Variants in PREX1 observed in about 807,000 individuals in gnomAD.
PREX1 encodes phosphatidylinositol 3,4,5-trisphosphate-dependent Rac exchanger 1 protein.
Under a neutral mutation model 198.3 loss-of-function variants are expected in PREX1, and 41 were observed. The ratio of observed to expected loss-of-function variants is 0.21; its 90% CI spans 0.16 to 0.27. The LOEUF (loss-of-function observed/expected upper bound fraction) is 0.27. Ranked by LOEUF, PREX1 falls within the 10% of genes least tolerant of loss-of-function variation. The pLI, the probability that PREX1 is intolerant of heterozygous loss-of-function variation, is 1.00. For missense variants in PREX1, 1,620 were observed against 2,200.7 expected, an observed-to-expected ratio of 0.74 and a Z score of 5.28; for synonymous variants, 843 against 887.2, an observed-to-expected ratio of 0.95 and a Z score of 0.89.
chr20:48,739,805 T>G (rs1373392241), intron 3 of PREX1, among the ~76,000 whole-genome samples: 1 of 152,236 alleles, frequency 6.6e-6, no homozygotes, highest in African/African-American at 2.4e-5. Context: ...TGATGCTTCC[T>G]AGCTCTGTAA....
intron 1 of PREX1, among the ~76,000 whole-genome samples, chr20:48,759,549 CAAAAAAAA>C (rs386393896): frequency 6.2e-4 from 46 of 73,952 alleles, no homozygotes; most frequent in African/African-American, 1.9e-3. Flanking sequence ...GATTCCATCT[CAAAAAAAA>C]AAAAAAAAAA....
Position 48,756,595 on chromosome 20 carries a change from G to T in PREX1, c.220-8715C>A, listed in dbSNP as rs2090156742. Among the ~76,000 whole-genome samples, 5 of 151,750 alleles carry T rather than the reference G, an allele frequency of 3.3e-5. No homozygotes were observed. In the South Asian group the frequency reaches 1.0e-3, roughly 32 times the overall value. On this transcript the variant is annotated intron_variant, in intron 1 of 39. Coordinates refer to ENST00000371941, the MANE Select transcript of PREX1 (RefSeq NM_020820.4). Reference sequence around the variant, plus strand: ...CAGCACAAACATATTGCTTTGAATTGTATCTTTAACAGGCTAATTTCTTCC... The same window carrying T: ...CAGCACAAACATATTGCTTTGAATTTTATCTTTAACAGGCTAATTTCTTCC...
chr20:48,832,280 AG>A (rs1249505990), upstream of PREX1, among the ~76,000 whole-genome samples: 1 of 152,190 alleles, frequency 6.6e-6, no homozygotes, highest in Non-Finnish European at 1.5e-5. Flanking sequence ...GAGGGGGAGA[AG>A]ATTCTGCTGC....
intron 5 of PREX1, among the ~76,000 whole-genome samples, chr20:48,713,435 G>A (rs1213210743): frequency 1.3e-5 from 2 of 152,130 alleles, no homozygotes; most frequent in African/African-American, 4.8e-5. Flanking sequence ...CTGGGCAACA[G>A]AGTGAGACTC....
At position 48,636,695 on chromosome 20, in the gene PREX1, G is replaced by A. The variant is rs112809166; in HGVS notation, c.3947-12C>T. ...CTGCAGCTCCGTGTCTGGGGGCAGA[G>A]GGCAGGAGGCCTTGCTGGAGGGGCG... On this transcript the variant is annotated splice_polypyrimidine_tract_variant and intron_variant, in intron 31 of 39. Transcript: ENST00000371941. 3.8e-6 allele frequency: 6 copies of A among 1,586,802 alleles called. No individual in the cohort carries two copies. The highest frequency in any genetic ancestry group is 1.3e-5 in the African/African-American group (1 of 74,592).
chr20:48,714,881 T>C (rs764965679), intron 5 of PREX1, among the ~76,000 whole-genome samples: 1 of 152,202 alleles, frequency 6.6e-6, no homozygotes, highest in African/African-American at 2.4e-5. Flanking sequence ...TGCACAGATA[T>C]GGAAACTCGA....
rs1243652187 is a variant in PREX1 at position 48,641,295 on chromosome 20, G to A, written c.3775+873C>T. Among the ~76,000 whole-genome samples the A allele has an allele frequency of 3.9e-5, 6 of 152,200 alleles. No individual in the cohort carries two copies. In the East Asian group the frequency reaches 5.8e-4, roughly 15 times the overall value. Reference sequence around the variant, plus strand: ...TTGGCAGGCAACAGTGCCTAACTGCGGTATAATGATATTTCGTTGCCGTTG... The same window carrying A: ...TTGGCAGGCAACAGTGCCTAACTGCAGTATAATGATATTTCGTTGCCGTTG... On this transcript the variant is annotated intron_variant, in intron 29 of 39. Transcript: ENST00000371941.
chr20:48,734,701 G>T, intron 3 of PREX1, 51 bp from the exon 4 acceptor site: 1 of 1,529,460 alleles, frequency 6.5e-7, no homozygotes. Context: ...TAGCAGGCAG[G>T]TGCCCTGACA....
intron 1 of PREX1, among the ~76,000 whole-genome samples, chr20:48,797,631 G>C (rs933243426): frequency 6.6e-6 from 1 of 152,028 alleles, no homozygotes; most frequent in Non-Finnish European, 1.5e-5. Flanking sequence ...GAAAGAGAAC[G>C]ACACCCCCGT....
the PREX1 span, among the ~76,000 whole-genome samples, chr20:48,845,135 C>G: frequency 6.6e-6 from 1 of 152,198 alleles, no homozygotes; most frequent in Non-Finnish European, 1.5e-5. Flanking sequence ...ATTTACTAAG[C>G]TCCTCTATGC....
the PREX1 span, among the ~76,000 whole-genome samples, chr20:48,867,979 G>A: frequency 6.6e-6 from 1 of 151,800 alleles, no homozygotes; most frequent in East Asian, 1.9e-4. Context: ...AAAGTGCTGG[G>A]ATTGCAGGCG....
chr20:48,886,273 T>C, the PREX1 span, among the ~76,000 whole-genome samples: 3 of 152,220 alleles, frequency 2.0e-5, no homozygotes, highest in Admixed American at 2.0e-4. Flanking sequence ...GTGTAAGAAA[T>C]TCTGGAAGCC....
intron 29 of PREX1, among the ~76,000 whole-genome samples, chr20:48,640,250 T>C (rs951181668): frequency 2.0e-5 from 3 of 151,848 alleles, no homozygotes; most frequent in Admixed American, 1.3e-4. Context: ...TACCTCCTCA[T>C]AGCCACAACC....
the PREX1 span, among the ~76,000 whole-genome samples, chr20:48,881,803 G>A: frequency 6.6e-6 from 1 of 152,100 alleles, no homozygotes; most frequent in Non-Finnish European, 1.5e-5. Context: ...ATCTTTAAGT[G>A]TGCAATTCAA....
At chr20:48,781,792 T>C (rs990454729) in intron 1 of PREX1, among the ~76,000 whole-genome samples, 1 of 152,314 alleles carries the variant, frequency 6.6e-6, no homozygotes, top group East Asian at 1.9e-4. Context: ...GATGAGAATG[T>C]CTAGCTATGA....
At chr20:48,884,110 G>A in the PREX1 span, among the ~76,000 whole-genome samples, 1 of 145,106 alleles carries the variant, frequency 6.9e-6, no homozygotes, top group East Asian at 2.0e-4. Context: ...CTGCACTCCA[G>A]CCTGGACGAC....
Position 48,700,755 on chromosome 20 carries a change from G to A in PREX1, c.915C>T (p.Ser305=). 2 of 1,612,958 alleles carry A rather than the reference G, an allele frequency of 1.2e-6. No individual in the cohort carries two copies. Among genetic ancestry groups the A allele is most frequent in the South Asian group, 1.1e-5 (1 of 91,024 alleles). The change falls in exon 7 of 40, where the codon TCC becomes TCT. Residue 305 remains serine, a splice_region_variant and synonymous_variant. Transcript: ENST00000371941. ...ATCCCAGCCTCCTGGCCACTCACCTGGATTTCCGCTTGCAGTAGACGAGAA... is the reference window on the plus strand; with the variant it reads ...ATCCCAGCCTCCTGGCCACTCACCTAGATTTCCGCTTGCAGTAGACGAGAA... ...DNLLVYCKRK[S]RVTGSKKSTK...
At chr20:48,734,788 A>C in intron 3 of PREX1, 138 bp from the exon 4 acceptor site, 114 of 651,190 alleles carry the variant, frequency 1.8e-4, no homozygotes, top group Non-Finnish European at 2.1e-4. Context: ...GAGGTATCTC[A>C]GGTAAAGCGG....
intron 1 of PREX1, among the ~76,000 whole-genome samples, chr20:48,810,315 G>A (rs1051512661): frequency 3.3e-5 from 5 of 152,004 alleles, no homozygotes; most frequent in Non-Finnish European, 7.4e-5. Flanking sequence ...TAGTACAGTG[G>A]CTCATGCCTG....
Sources: allele counts gnomAD v4.1 joint callset (sites outside exome capture counted in the v4.1 genomes callset), GRCh38; gene constraint gnomAD v4.1.1; transcripts MANE v1.5; gene names NCBI Gene and HGNC (gene_info 2026-07-23, HGNC 2026-07-21).